Variants in MYRF observed in about 807,000 individuals in gnomAD.
The protein encoded by MYRF is myelin gene regulatory factor.
A neutral mutation model predicts 126.3 loss-of-function variants in MYRF; 16 were observed. The observed-to-expected ratio is 0.13, with a 90% CI of 0.09 to 0.19. MYRF has a LOEUF of 0.19. Among genes scored for constraint, MYRF ranks in the 10% least tolerant of loss-of-function variants. The pLI, the probability that MYRF is intolerant of heterozygous loss-of-function variation, is 1.00. For synonymous variants in MYRF, 608 were observed against 635.3 expected (o/e 0.96, Z 0.65); for missense variants, 1,104 against 1,547.0 (o/e 0.71, Z 4.80).
intron 1 of MYRF, among the ~76,000 whole-genome samples, chr11:61,761,160 GA>G (rs1306608922): frequency 2.6e-5 from 4 of 152,250 alleles, no homozygotes; most frequent in Admixed American, 2.6e-4. Context: ...CGGGGCAGGG[GA>G]GGGGGTGGGC....
At chr11:61,763,049 T>C (rs529032597) in intron 1 of MYRF, among the ~76,000 whole-genome samples, 1 of 152,258 alleles carries the variant, frequency 6.6e-6, no homozygotes, top group Non-Finnish European at 1.5e-5. Context: ...GGGCTGGGTC[T>C]GTTATAAATA....
chr11:61,762,886 C>T (rs1294125503), intron 1 of MYRF, among the ~76,000 whole-genome samples: 4 of 152,286 alleles, frequency 2.6e-5, no homozygotes, highest in South Asian at 2.1e-4. Context: ...TCCGTCCGCC[C>T]GGACCCTGGC....
chr11:61,777,150 G>C lies in MYRF; in HGVS notation c.1591-114G>C, dbSNP rs1034455121. 1.9e-5 allele frequency: 22 copies of C among 1,168,892 alleles called. No individual in the cohort carries two copies. The highest frequency in any genetic ancestry group is 4.2e-5 in the Admixed American group (2 of 47,746). 72.4% of individuals were successfully genotyped at this position (1,168,892 alleles called of 1,614,324 possible). On this transcript the variant is annotated intron_variant, in intron 11 of 26. Transcript: ENST00000278836. The surrounding 1 kb of genome is among the most constrained non-coding windows in gnomAD (Gnocchi z 8.8). ...GACAGTTCAAGTTGGGCTTGGTGCA[G>C]TGAGAAACCCTGGCTGGAAGGGGAG... is the stretch of plus-strand genomic sequence containing the variant.
At chr11:61,768,120 A>G (rs1319164531) in intron 3 of MYRF, among the ~76,000 whole-genome samples, 2 of 150,492 alleles carry the variant, frequency 1.3e-5, no homozygotes, top group Non-Finnish European at 3.0e-5. Flanking sequence ...TCTGTCTCAA[A>G]AAAAAAAAAA....
In MYRF at chr11:61,785,876, T is replaced by A; in HGVS notation, c.3375+2T>A. 6.2e-7 allele frequency: 1 copy of A among 1,613,990 alleles called. No individual in the cohort carries two copies. The highest frequency in any genetic ancestry group is 8.5e-7 in the Non-Finnish European group (1 of 1,179,892). ...TACCACTTCCGGGTGGCACTGCTGGTGAGCAGGGGCATCCCACCTACCCTG... is the reference window on the plus strand; with the variant it reads ...TACCACTTCCGGGTGGCACTGCTGGAGAGCAGGGGCATCCCACCTACCCTG... On this transcript the variant is annotated splice_donor_variant, in intron 26 of 26. Coordinates refer to ENST00000278836, the MANE Select transcript of MYRF (RefSeq NM_001127392.3). LOFTEE classifies it high-confidence loss of function.
Position 61,781,295 on chromosome 11 carries a change from C to T in MYRF, c.2730C>T (p.Leu910=), listed in dbSNP as rs1468011535. 8 of 1,614,042 alleles carry T rather than the reference C, an allele frequency of 5.0e-6. No homozygotes were observed. The highest frequency in any genetic ancestry group is 6.8e-6 in the Non-Finnish European group (8 of 1,180,040). ...CCAGCTTTAACCCTGGCCATGTTCT[C>T]AGCCCAAGTCCCAGCCCCAGCACCA... ...LGPSFNPGHV[L]SPSPSPSTNR... is the part of the protein sequence containing the mutation. The change falls in exon 21 of 27, where the codon CTC becomes CTT. Residue 910 remains leucine (L), a synonymous_variant. Transcript: ENST00000278836.
At position 61,777,434 on chromosome 11, in the gene MYRF, C is replaced by A. The variant is rs764114118; in HGVS notation, c.1761C>A (p.Ser587=). ...VKVMGSLMHP[S]DLRAKEHVQE... Reference sequence around the variant, plus strand: ...TCATGGGCTCGCTTATGCACCCCTCCGACCTGCGCGCCAAGGAACACGTGC... The same window carrying A: ...TCATGGGCTCGCTTATGCACCCCTCAGACCTGCGCGCCAAGGAACACGTGC... Residue 587 remains serine, a synonymous_variant, in exon 12 of 27, where the codon TCC becomes TCA. Coordinates refer to ENST00000278836, the MANE Select transcript of MYRF (RefSeq NM_001127392.3). This position sits in a 1 kb window ranked among gnomAD's most constrained non-coding sequence, Gnocchi z 8.8. The A allele has an allele frequency of 1.2e-6, 2 of 1,612,934 alleles. No individual in the cohort carries two copies. Among genetic ancestry groups the A allele is most frequent in the Admixed American group, 1.7e-5 (1 of 59,942 alleles).
intron 1 of MYRF, 54 bp from the exon 2 acceptor site, chr11:61,765,571 C>G: frequency 1.4e-6 from 2 of 1,476,008 alleles, no homozygotes; most frequent in Non-Finnish European, 1.9e-6. Context: ...CCCTGAAGCC[C>G]AGGGTCTGCA....
In MYRF at chr11:61,783,404, C is replaced by T. The variant is rs2066604585; in HGVS notation, c.3017-94C>T. ...AAAAATAACCTGGAACTTATTCATACTAAGGTGTGAGTGACTGCTTCAAGT... is the reference window on the plus strand; with the variant it reads ...AAAAATAACCTGGAACTTATTCATATTAAGGTGTGAGTGACTGCTTCAAGT... On this transcript the variant is annotated intron_variant, in intron 22 of 26. Coordinates refer to ENST00000278836, the MANE Select transcript of MYRF (RefSeq NM_001127392.3). The surrounding 1 kb of genome is among the most constrained non-coding windows in gnomAD (Gnocchi z 4.6). 5 of 927,306 alleles carry T rather than the reference C, an allele frequency of 5.4e-6. No homozygotes were observed. The highest frequency in any genetic ancestry group is 8.6e-6 in the Non-Finnish European group (5 of 578,560). 57.4% of individuals were successfully genotyped at this position (927,306 alleles called of 1,614,324 possible).
At chr11:61,766,775 G>T in intron 3 of MYRF, 1 of 330,314 alleles carries the variant, frequency 3.0e-6, no homozygotes, top group Non-Finnish European at 5.9e-6. Context: ...TTTGACCAAA[G>T]GTTCCAGGCA....
At position 61,780,099 on chromosome 11, in the gene MYRF, GACCCATTTTGTAGGCATC is replaced by G. The variant is rs749998222; in HGVS notation, c.2337-119_2337-102del. On this transcript the variant is annotated intron_variant, in intron 17 of 26. Transcript: ENST00000278836. ...CTTTCTGCCTCTTCCCCTCTGGGGT[GACCCATTTTGTAGGCATC>G]ACCTGGGAGCCCAGCCTCAGGAGCA... 1.9e-5 allele frequency: 25 copies of G among 1,297,614 alleles called. No individual in the cohort carries two copies. The Admixed American group carries it at 4.5e-4, about 23-fold the overall frequency. The allele number at this position is 1,297,614 out of a possible 1,614,324, so 80.4% of individuals were successfully genotyped here.
rs1482482507 is a variant in MYRF, at chr11:61,766,053, C to T, written c.230C>T (p.Pro77Leu). The change falls in exon 3 of 27, where the codon CCC (proline) becomes CTC (leucine). Residue 77 changes from proline to leucine, a missense_variant. Around this residue, in one of 10 missense-constraint regions of MYRF, gnomAD observed 368 missense variants for 403.9 expected, o/e 0.91. Transcript: ENST00000278836. ...PGSSGVHHLS[P>L]PGGGPSPGRH... is the part of the protein sequence containing the mutation. Reference sequence around the variant, plus strand: ...TCCAGCGGGGTCCACCACCTGAGCCCCCCTGGGGGTGGACCCTCCCCGGGG... The same window carrying T: ...TCCAGCGGGGTCCACCACCTGAGCCTCCCTGGGGGTGGACCCTCCCCGGGG... 1.2e-6 allele frequency: 2 copies of T among 1,602,720 alleles called. No individual in the cohort carries two copies. The highest frequency in any genetic ancestry group is 3.4e-5 in the Admixed American group (2 of 59,302).
At chr11:61,782,154 G>A (rs991832218) in intron 22 of MYRF, 4 of 283,958 alleles carry the variant, frequency 1.4e-5, no homozygotes, top group African/African-American at 4.3e-5. Flanking sequence ...CTCCTCCTTC[G>A]CCATGCCAGC....
intron 1 of MYRF, among the ~76,000 whole-genome samples, chr11:61,758,892 G>A (rs1194006157): frequency 1.3e-5 from 2 of 152,230 alleles, no homozygotes; most frequent in African/African-American, 4.8e-5. Context: ...ATGAATGAAG[G>A]CACACGGATG....
chr11:61,766,026 G>C lies in MYRF; in HGVS notation c.203G>C (p.Gly68Ala), dbSNP rs761970964. 9.4e-6 allele frequency: 15 copies of C among 1,589,764 alleles called. No individual in the cohort carries two copies. The highest frequency in any genetic ancestry group is 4.5e-5 in the East Asian group (2 of 44,128). The change falls in exon 3 of 27, where the codon GGC becomes GCC. Residue 68 changes from glycine to alanine, a missense_variant. Gly to Ala is a moderately conservative substitution (Grantham distance 60). Coordinates refer to ENST00000278836, the MANE Select transcript of MYRF (RefSeq NM_001127392.3). Reference sequence around the variant, plus strand: ...TCCCACGGGCAGCCTGCGATGCCTGGCTCCAGCGGGGTCCACCACCTGAGC... The same window carrying C: ...TCCCACGGGCAGCCTGCGATGCCTGCCTCCAGCGGGGTCCACCACCTGAGC... The part of the protein sequence containing the change: ...SYSHGQPAMP[G>A]SSGVHHLSPP...
Position 61,786,047 on chromosome 11 carries a change from C to G in MYRF, c.3376-16C>G. On this transcript the variant is annotated splice_polypyrimidine_tract_variant and intron_variant, in intron 26 of 26. Transcript: ENST00000278836. The surrounding 1 kb of genome is among the most constrained non-coding windows in gnomAD (Gnocchi z 4.5). ...CCCCCAGAGCCACCTCACCTTCCCA[C>G]TGCCCTTCCACCCAGGGTCAGGCCA... is the stretch of plus-strand genomic sequence containing the variant. 6 of 1,613,672 alleles carry G rather than the reference C, an allele frequency of 3.7e-6. No homozygotes were observed. The highest frequency in any genetic ancestry group is 5.1e-6 in the Non-Finnish European group (6 of 1,179,532).
intron 1 of MYRF, among the ~76,000 whole-genome samples, chr11:61,761,502 A>G (rs1446005930): frequency 6.6e-6 from 1 of 152,202 alleles, no homozygotes; most frequent in Non-Finnish European, 1.5e-5. Context: ...TTCCTGTTCC[A>G]GGCAGGTAAT....
In MYRF at chr11:61,777,800, G is replaced by C; in HGVS notation, c.1858G>C (p.Glu620Gln). ...GCTGGTGCACTACAGATACAAGCCC[G>C]AGTTCGCCGCCAGCGCGGGCATCGA... Reference protein sequence around the residue: ...MRLVHYRYKPEFAASAGIEAT... With the variant: ...MRLVHYRYKPQFAASAGIEAT... Residue 620 changes from glutamate to glutamine, a missense_variant, in exon 13 of 27, where the codon GAG (glutamate) becomes CAG (glutamine). Around this residue, in one of 10 missense-constraint regions of MYRF, gnomAD observed 123 missense variants for 209.1 expected, o/e 0.59. Coordinates refer to ENST00000278836, the MANE Select transcript of MYRF (RefSeq NM_001127392.3). This position sits in a 1 kb window ranked among gnomAD's most constrained non-coding sequence, Gnocchi z 8.8. The C allele has an allele frequency of 6.4e-7, 1 of 1,552,558 alleles. No individual in the cohort carries two copies. Among genetic ancestry groups the C allele is most frequent in the Non-Finnish European group, 8.7e-7 (1 of 1,147,692 alleles).
chr11:61,759,639 C>T (rs1439436558), intron 1 of MYRF, among the ~76,000 whole-genome samples: 2 of 152,042 alleles, frequency 1.3e-5, no homozygotes, highest in Admixed American at 1.3e-4. Flanking sequence ...CACTGCACTC[C>T]AGCCTGGGCA....
Sources: gnomAD v4.1 joint callset for allele counts (sites outside exome capture counted in the v4.1 genomes callset) on GRCh38, gnomAD v4.1.1 for gene constraint, gnomAD v4.1.1 regional missense constraint, Gnocchi (gnomAD v3.1) non-coding constraint, MANE v1.5 for transcripts, NCBI Gene and HGNC (gene_info 2026-07-23, HGNC 2026-07-21) for gene names.